The following EPHB1 variants were observed in gnomAD, a reference collection of about 807,000 sequenced individuals.
EPHB1 encodes ephrin type-B receptor 1.
Under a neutral mutation model 94.4 loss-of-function variants are expected in EPHB1, and 30 were observed. The observed-to-expected ratio is 0.32, with a 90% CI of 0.24 to 0.43. EPHB1 has a LOEUF of 0.43. EPHB1 is among the 20% of genes least tolerant of loss of function. The pLI is 1.00. For missense variants in EPHB1, 1,055 were observed against 1,308.3 expected (o/e 0.81, Z 2.99); for synonymous variants, 522 against 489.1 (o/e 1.07, Z -0.89).
At chr3:135,158,576 C>T (rs530501630) in intron 6 of EPHB1, among the ~76,000 whole-genome samples, 15 of 152,194 alleles carry the variant, frequency 9.9e-5, no homozygotes, top group Middle Eastern at 3.4e-3. Flanking sequence ...GCTTAGGACC[C>T]CTTTCAGTTT....
Position 135,260,098 on chromosome 3 carries a change from T to C in EPHB1, c.*978T>C, listed in dbSNP as rs1933579009. On this transcript the variant is annotated 3_prime_UTR_variant, in exon 16 of 16. Coordinates refer to ENST00000398015, the MANE Select transcript of EPHB1 (RefSeq NM_004441.5). ...CAGGAAACAGGTGAGTGGTTTGAAT[T>C]GGATGCAGTGTGGGCCATCCTGGAA... 1 of 233,130 alleles carries C rather than the reference T, an allele frequency of 4.3e-6. No individual in the cohort carries two copies. Among genetic ancestry groups the C allele is most frequent in the South Asian group, 1.8e-4 (1 of 5,524 alleles). The allele number at this position is 233,130 out of a possible 1,614,324, so 14.4% of individuals were successfully genotyped here.
At chr3:135,246,408 ATTAC>A (rs1943924943) in intron 13 of EPHB1, among the ~76,000 whole-genome samples, 1 of 152,080 alleles carries the variant, frequency 6.6e-6, no homozygotes, top group Non-Finnish European at 1.5e-5. Context: ...ATTCTCATAG[ATTAC>A]TTAGTTTAGC....
At chr3:135,131,852 T>C (rs1940429652) in intron 4 of EPHB1, among the ~76,000 whole-genome samples, 1 of 152,214 alleles carries the variant, frequency 6.6e-6, no homozygotes, top group African/African-American at 2.4e-5. Flanking sequence ...AGGGCTATAG[T>C]TGAGAACGTG....
chr3:134,888,706 C>CA (rs55786916), intron 1 of EPHB1, among the ~76,000 whole-genome samples: 58,036 of 109,360 alleles, frequency 0.53, 13,521 homozygotes, highest in Non-Finnish European at 0.58. Context: ...GACTCCATCT[C>CA]AAAAAAAAAA....
chr3:134,950,567 AT>A (rs1932986528), intron 2 of EPHB1, among the ~76,000 whole-genome samples: 1 of 152,194 alleles, frequency 6.6e-6, no homozygotes, highest in South Asian at 2.1e-4. Flanking sequence ...GCTTCCACTC[AT>A]GGCAGGCCAG....
At chr3:135,051,880 C>G (rs1457800179) in intron 3 of EPHB1, among the ~76,000 whole-genome samples, 2 of 152,156 alleles carry the variant, frequency 1.3e-5, no homozygotes, top group Admixed American at 1.3e-4. Context: ...ATCTTTCATT[C>G]CTATCCACTG....
At chr3:135,122,597 G>T (rs1259421342) in intron 4 of EPHB1, among the ~76,000 whole-genome samples, 1 of 152,048 alleles carries the variant, frequency 6.6e-6, no homozygotes, top group Non-Finnish European at 1.5e-5. Flanking sequence ...CAGGATCCAG[G>T]GGCCTCAGCC....
chr3:134,811,017 G>A (rs191089742), intron 1 of EPHB1, among the ~76,000 whole-genome samples: 6 of 152,016 alleles, frequency 3.9e-5, no homozygotes, highest in South Asian at 2.1e-4. Flanking sequence ...GTGAGGGCTC[G>A]TGTGGCCCCT....
chr3:134,852,215 G>T (rs2037001600), intron 1 of EPHB1, among the ~76,000 whole-genome samples: 2 of 151,428 alleles, frequency 1.3e-5, no homozygotes, highest in Admixed American at 1.3e-4. Context: ...CCTTTTGGTT[G>T]CCCCACCCCT....
rs1245436238 is a variant in EPHB1, at chr3:134,843,368, G to A, written c.58+47679G>A. On this transcript the variant is annotated intron_variant, in intron 1 of 15. Transcript: ENST00000398015. ...GATGTATCTAGTTGGGAATCTCCTCGTATTACCCTAGTTGGAGTTCATTGG... is the reference window on the plus strand; with the variant it reads ...GATGTATCTAGTTGGGAATCTCCTCATATTACCCTAGTTGGAGTTCATTGG... 2.6e-5 allele frequency among the ~76,000 whole-genome samples: 4 copies of A among 152,196 alleles called. No homozygotes were observed. In the East Asian group the frequency reaches 5.8e-4, roughly 22 times the overall value.
intron 2 of EPHB1, among the ~76,000 whole-genome samples, chr3:134,930,299 C>A (rs914346771): frequency 6.6e-6 from 1 of 152,266 alleles, no homozygotes; most frequent in Non-Finnish European, 1.5e-5. Context: ...CGTGTCAAAA[C>A]CAGAAAGTAC....
intron 2 of EPHB1, among the ~76,000 whole-genome samples, chr3:134,931,897 T>A: frequency 6.6e-6 from 1 of 152,124 alleles, no homozygotes; most frequent in East Asian, 1.9e-4. Flanking sequence ...CATGTACATA[T>A]GTATATAGTG....
intron 11 of EPHB1, among the ~76,000 whole-genome samples, chr3:135,196,518 C>T (rs1174449298): frequency 6.6e-6 from 1 of 152,114 alleles, no homozygotes; most frequent in Non-Finnish European, 1.5e-5. Context: ...GGCAGGTAAT[C>T]TATAAATCTA....
At chr3:135,232,232 G>A (rs574611842) in intron 12 of EPHB1, among the ~76,000 whole-genome samples, 3 of 152,356 alleles carry the variant, frequency 2.0e-5, no homozygotes, top group African/African-American at 7.2e-5. Context: ...TGTACTTTCA[G>A]AGAGCTTTTA....
At chr3:134,903,744 T>C (rs974855983) in intron 1 of EPHB1, among the ~76,000 whole-genome samples, 6 of 152,274 alleles carry the variant, frequency 3.9e-5, no homozygotes, top group Admixed American at 3.3e-4. Context: ...AATTAGGTAA[T>C]AGATTAACCA....
At chr3:135,125,584 A>T (rs1268201867) in intron 4 of EPHB1, among the ~76,000 whole-genome samples, 2 of 152,210 alleles carry the variant, frequency 1.3e-5, no homozygotes, top group African/African-American at 4.8e-5. Flanking sequence ...TGGTACTTAG[A>T]AAGAATAAAG....
intron 12 of EPHB1, among the ~76,000 whole-genome samples, chr3:135,207,565 C>T (rs1259874503): frequency 3.3e-5 from 5 of 152,032 alleles, no homozygotes; most frequent in East Asian, 1.9e-4. Flanking sequence ...AAATAAGGGC[C>T]GCTATGTTTT....
Position 135,239,440 on chromosome 3 carries a change from G to A in EPHB1, c.2347-1708G>A, listed in dbSNP as rs1028450670. On this transcript the variant is annotated intron_variant, in intron 12 of 15. Transcript: ENST00000398015. ...AGTGGAGGCATGAAGTAAATGAGGA[G>A]GGGAGTGAGGGAGCTGCCGTCCCTG... 2.0e-5 allele frequency among the ~76,000 whole-genome samples: 3 copies of A among 152,194 alleles called. No homozygotes were observed. In the South Asian group the frequency reaches 6.2e-4, roughly 31 times the overall value.
At chr3:134,920,323 TG>T (rs1254180140) in intron 1 of EPHB1, among the ~76,000 whole-genome samples, 2 of 152,208 alleles carry the variant, frequency 1.3e-5, no homozygotes, top group Non-Finnish European at 1.5e-5. Flanking sequence ...CTTTGTGCAG[TG>T]GGACCAACTC....
Sources: allele counts gnomAD v4.1 joint callset (sites outside exome capture counted in the v4.1 genomes callset), GRCh38; gene constraint gnomAD v4.1.1; transcripts MANE v1.5; gene names NCBI Gene and HGNC (gene_info 2026-07-23, HGNC 2026-07-21).